The following AFF1 variants were observed in gnomAD, a reference collection of about 807,000 sequenced individuals.
The protein encoded by AFF1 is AF4/FMR2 family member 1.
AFF1 carries 48 observed loss-of-function variants against 121.7 expected under a neutral mutation model. The ratio of observed to expected loss-of-function variants is 0.39; its 90% CI spans 0.31 to 0.50. AFF1 has a LOEUF of 0.50. AFF1 is among the 20% of genes least tolerant of loss of function. The probability of loss-of-function intolerance (pLI) is 0.76; values close to 1 mark genes in which losing one functional copy is unlikely to be tolerated. For missense variants in AFF1, 1,523 were observed against 1,511.7 expected (o/e 1.01, Z -0.12); for synonymous variants, 613 against 563.0 (o/e 1.09, Z -1.26).
intron 2 of AFF1, among the ~76,000 whole-genome samples, chr4:87,005,239 A>T (rs1024554116): frequency 6.6e-6 from 1 of 152,194 alleles, no homozygotes; most frequent in African/African-American, 2.4e-5. Context: ...TTAGCCTCCC[A>T]AAGTGCTGGG....
chr4:87,134,738 T>C (rs1196772939), intron 20 of AFF1, 44 bp downstream of exon 20: 1 of 1,484,772 alleles, frequency 6.7e-7, no homozygotes, highest in East Asian at 2.3e-5. Context: ...GGTGTTTGGA[T>C]TGGGAGGAAT....
chr4:87,015,882 G>A (rs77485083), intron 2 of AFF1, among the ~76,000 whole-genome samples: 6,793 of 152,262 alleles, frequency 0.045, 495 homozygotes, highest in African/African-American at 0.15. Context: ...ATCTTAGAGT[G>A]TTTTAAAGAA....
intron 1 of AFF1, among the ~76,000 whole-genome samples, chr4:86,940,810 G>A (rs1452134229): frequency 6.6e-6 from 1 of 150,458 alleles, no homozygotes; most frequent in Non-Finnish European, 1.5e-5. Flanking sequence ...GGGAGGGGCT[G>A]GGCATGGTGG....
chr4:87,001,985 C>T (rs530852011), intron 2 of AFF1, among the ~76,000 whole-genome samples: 1 of 152,106 alleles, frequency 6.6e-6, no homozygotes, highest in East Asian at 1.9e-4. Context: ...ACGTTTAGAC[C>T]AAAAATGCTA....
chr4:87,135,458 G>A, intron 20 of AFF1, 122 bp from the exon 21 acceptor site: 1 of 1,005,162 alleles, frequency 9.9e-7, no homozygotes, highest in Admixed American at 3.4e-5. Context: ...TTTTTTTGAT[G>A]TGATTAAGTG....
intron 1 of AFF1, among the ~76,000 whole-genome samples, chr4:86,937,404 T>C (rs1029784847): frequency 5.9e-5 from 9 of 152,340 alleles, no homozygotes; most frequent in South Asian, 4.1e-4. Context: ...GTAATAAGAC[T>C]ATATCAAAAC....
rs912038944 is a variant in AFF1, at chr4:87,135,889, A to G, written c.*188A>G. 1 of 927,540 alleles carries G rather than the reference A, an allele frequency of 1.1e-6. No homozygotes were observed. The highest frequency in any genetic ancestry group is 1.5e-6 in the Non-Finnish European group (1 of 677,276). The allele number at this position is 927,540 out of a possible 1,614,324, so 57.5% of individuals were successfully genotyped here. A position where few individuals can be genotyped will look rare whatever the true frequency, so the allele number is the denominator to read the frequency against. Reference sequence around the variant, plus strand: ...CATTGGTTGGACACTGTGGTTATGCAGAAGCAGAGATGAGGAGGCTGGCCC... The same window carrying G: ...CATTGGTTGGACACTGTGGTTATGCGGAAGCAGAGATGAGGAGGCTGGCCC... On this transcript the variant is annotated 3_prime_UTR_variant, in exon 21 of 21. Coordinates refer to ENST00000395146, the MANE Select transcript of AFF1 (RefSeq NM_001166693.3).
Position 87,078,694 on chromosome 4 carries a change from T to C in AFF1, c.1060-5426T>C, listed in dbSNP as rs149427418. Among the ~76,000 whole-genome samples, 16 of 152,040 alleles carry C rather than the reference T, an allele frequency of 1.1e-4. No homozygotes were observed. In the East Asian group the frequency reaches 3.1e-3, roughly 29 times the overall value. On this transcript the variant is annotated intron_variant, in intron 4 of 20. Coordinates refer to ENST00000395146, the MANE Select transcript of AFF1 (RefSeq NM_001166693.3). ...AAGTGTGACTTATCTAACTAGCGAG[T>C]TGGGGGTAGATGAGCAGCAAATAGT...
intron 7 of AFF1, among the ~76,000 whole-genome samples, chr4:87,093,325 G>A (rs1285122192): frequency 6.6e-6 from 1 of 152,136 alleles, no homozygotes; most frequent in East Asian, 1.9e-4. Context: ...TTGTGAGAAT[G>A]TGACCTGAAA....
chr4:87,070,195 G>A (rs925696464), intron 4 of AFF1, among the ~76,000 whole-genome samples: 17 of 152,178 alleles, frequency 1.1e-4, no homozygotes, highest in African/African-American at 3.9e-4. Flanking sequence ...GTAGAAACGG[G>A]GTTTCACCAT....
At chr4:87,000,839 T>A (rs191452609) in intron 2 of AFF1, among the ~76,000 whole-genome samples, 51 of 152,230 alleles carry the variant, frequency 3.4e-4, no homozygotes, top group African/African-American at 1.2e-3. Context: ...GAGGTAAAGT[T>A]GAGCAGTAAT....
chr4:87,138,438 A>G lies in AFF1; in HGVS notation c.*2737A>G, dbSNP rs192060102. ...CACACTTCAGAGTAAGACAAATGCAAAGCATCTTAAGGAGTGAAAATAGAG... is the reference window on the plus strand; with the variant it reads ...CACACTTCAGAGTAAGACAAATGCAGAGCATCTTAAGGAGTGAAAATAGAG... On this transcript the variant is annotated 3_prime_UTR_variant, in exon 21 of 21. Coordinates refer to ENST00000395146, the MANE Select transcript of AFF1 (RefSeq NM_001166693.3). The G allele has an allele frequency of 5.2e-5, 12 of 232,728 alleles. No individual in the cohort carries two copies. Among genetic ancestry groups the G allele is most frequent in the Non-Finnish European group, 6.8e-5 (8 of 117,760 alleles). 14.4% of individuals were successfully genotyped at this position (232,728 alleles called of 1,614,324 possible).
intron 2 of AFF1, among the ~76,000 whole-genome samples, chr4:87,012,739 T>TA (rs1726904325): frequency 6.6e-6 from 1 of 152,096 alleles, no homozygotes; most frequent in Non-Finnish European, 1.5e-5. Flanking sequence ...CAGGAGAAAA[T>TA]ATGTATAACT....
intron 11 of AFF1, among the ~76,000 whole-genome samples, chr4:87,111,393 A>G (rs1578271838): frequency 6.7e-6 from 1 of 149,688 alleles, no homozygotes; most frequent in Admixed American, 6.6e-5. Flanking sequence ...TCACTCTGTC[A>G]CCCAGACTGG....
chr4:87,031,520 G>C (rs1275217971), intron 2 of AFF1, among the ~76,000 whole-genome samples: 4 of 151,032 alleles, frequency 2.6e-5, no homozygotes, highest in Non-Finnish European at 5.9e-5. Flanking sequence ...TTTATCCCTA[G>C]GTCTAGCACA....
At chr4:87,060,994 T>C (rs1336366637) in intron 4 of AFF1, among the ~76,000 whole-genome samples, 1 of 152,204 alleles carries the variant, frequency 6.6e-6, no homozygotes, top group Admixed American at 6.5e-5. Flanking sequence ...CGAGGTCTTT[T>C]ATCTCCCTTA....
At chr4:87,044,389 A>G (rs930463770) in intron 2 of AFF1, among the ~76,000 whole-genome samples, 1 of 152,090 alleles carries the variant, frequency 6.6e-6, no homozygotes, top group African/African-American at 2.4e-5. Context: ...GCACCAAGAG[A>G]GGTGCTAAAT....
intron 1 of AFF1, among the ~76,000 whole-genome samples, chr4:86,945,412 C>T (rs1355775918): frequency 6.6e-6 from 1 of 150,478 alleles, no homozygotes; most frequent in African/African-American, 2.5e-5. Context: ...GTAGCCTCCA[C>T]CTCCTGGGTT....
intron 2 of AFF1, among the ~76,000 whole-genome samples, chr4:87,006,777 C>T (rs139515553): frequency 4.1e-4 from 62 of 152,334 alleles, no homozygotes; most frequent in African/African-American, 1.5e-3. Context: ...AGAGCACTCT[C>T]GAGGAGCCCG....
Sources: gnomAD v4.1 joint callset for allele counts (sites outside exome capture counted in the v4.1 genomes callset) on GRCh38, gnomAD v4.1.1 for gene constraint, MANE v1.5 for transcripts, NCBI Gene and HGNC (gene_info 2026-07-23, HGNC 2026-07-21) for gene names.